ANO1: variants seen among roughly 807,000 people sequenced by gnomAD.
ANO1 encodes the protein anoctamin-1.
In ANO1, 59 loss-of-function variants were observed where a neutral mutation model predicts 124.0. The observed-to-expected ratio is 0.48, with a 90% CI of 0.39 to 0.59. The LOEUF is 0.59. ANO1 is among the 20% of genes least tolerant of loss of function. The probability of loss-of-function intolerance (pLI) is 0.00; values close to 1 mark genes in which losing one functional copy is unlikely to be tolerated. For synonymous variants in ANO1, 529 were observed against 532.0 expected, an observed-to-expected ratio of 0.99 and a Z score of 0.08; for missense variants, 1,059 against 1,328.0, an observed-to-expected ratio of 0.80 and a Z score of 3.15.
At chr11:70,171,555 G>T (rs2048473881) in intron 22 of ANO1, among the ~76,000 whole-genome samples, 1 of 152,262 alleles carries the variant, frequency 6.6e-6, no homozygotes, top group African/African-American at 2.4e-5. Flanking sequence ...TGGCTTGCCT[G>T]TAGGGATCAA....
chr11:70,152,007 C>G (rs1203143625), intron 12 of ANO1, among the ~76,000 whole-genome samples: 1 of 152,172 alleles, frequency 6.6e-6, no homozygotes, highest in Non-Finnish European at 1.5e-5. Flanking sequence ...TCCCGGCTCA[C>G]CTGTATCCAT....
chr11:70,163,954 A>T (rs2048154763), intron 19 of ANO1, among the ~76,000 whole-genome samples: 2 of 150,590 alleles, frequency 1.3e-5, no homozygotes, highest in Non-Finnish European at 2.9e-5. Flanking sequence ...AAAAAAAAGA[A>T]GATGAATTAA....
chr11:70,021,688 A>G (rs1856812934), intron 1 of ANO1, among the ~76,000 whole-genome samples: 1 of 151,990 alleles, frequency 6.6e-6, no homozygotes, highest in Non-Finnish European at 1.5e-5. Flanking sequence ...CAGCGGTGAC[A>G]TTTGTTAAAC....
chr11:69,992,216 AGATGGATG>A (rs59821789), intron 1 of ANO1, among the ~76,000 whole-genome samples: 4,164 of 147,142 alleles, frequency 0.028, 141 homozygotes, highest in African/African-American at 0.082. Flanking sequence ...ACGAATGGAT[AGATGGATG>A]GATGGATGGA....
At chr11:70,093,017 A>T (rs1203130738) in intron 2 of ANO1, among the ~76,000 whole-genome samples, 2 of 134,850 alleles carry the variant, frequency 1.5e-5, no homozygotes, top group East Asian at 2.3e-4. Context: ...CTCCCTCTTG[A>T]TCTCCCTTTC....
chr11:70,187,474 C>G (rs887438379), intron 25 of ANO1, among the ~76,000 whole-genome samples: 2 of 152,182 alleles, frequency 1.3e-5, no homozygotes, highest in Admixed American at 6.5e-5. Flanking sequence ...CCTGAGTCTC[C>G]TGATCAAAGA....
intron 11 of ANO1, among the ~76,000 whole-genome samples, chr11:70,139,956 T>A (rs1352063273): frequency 6.6e-6 from 1 of 152,196 alleles, no homozygotes; most frequent in East Asian, 1.9e-4. Context: ...TTCTCTCACC[T>A]AGAGTAGTTT....
intron 14 of ANO1, among the ~76,000 whole-genome samples, chr11:70,154,153 T>C (rs10160719): frequency 0.69 from 104,665 of 152,042 alleles, 36,175 homozygotes; most frequent in East Asian, 0.77. Flanking sequence ...AGGCTGGAGA[T>C]GCCCGCACTG....
At chr11:70,187,675 G>T in intron 25 of ANO1, 63 bp from the exon 26 acceptor site, 1 of 1,534,180 alleles carries the variant, frequency 6.5e-7, no homozygotes. Flanking sequence ...GCCAGGCAGA[G>T]AGGTCAGGAG....
intron 1 of ANO1, among the ~76,000 whole-genome samples, chr11:70,014,142 G>A (rs185931721): frequency 1.8e-3 from 276 of 151,896 alleles, no homozygotes; most frequent in Middle Eastern, 3.4e-3. Flanking sequence ...GTTCCATTGC[G>A]GGTGAGAGTT....
intron 16 of ANO1, among the ~76,000 whole-genome samples, chr11:70,160,856 G>A (rs565280838): frequency 1.3e-5 from 2 of 152,336 alleles, no homozygotes; most frequent in Admixed American, 6.5e-5. Context: ...TGAACTGCAG[G>A]CTTGGGCAGA....
chr11:70,153,372 G>A (rs146648477), intron 14 of ANO1, among the ~76,000 whole-genome samples: 115 of 152,334 alleles, frequency 7.5e-4, no homozygotes, highest in Middle Eastern at 3.4e-3. Flanking sequence ...GGCCAGATTT[G>A]GCCAAAGGGC....
intron 1 of ANO1, among the ~76,000 whole-genome samples, chr11:70,039,117 G>A (rs921340081): frequency 1.3e-5 from 2 of 152,148 alleles, no homozygotes; most frequent in Admixed American, 1.3e-4. Context: ...TGCTGGGAAA[G>A]GTTTTCATCC....
Position 70,116,627 on chromosome 11 carries a change from G to T in ANO1, c.897+128G>T. ...GCCTCCCCAGGGCGCTCGCTGCAGGGGGCTGAGAAGCGGGTGTCCCCTCTC... is the reference window on the plus strand; with the variant it reads ...GCCTCCCCAGGGCGCTCGCTGCAGGTGGCTGAGAAGCGGGTGTCCCCTCTC... On this transcript the variant is annotated intron_variant, in intron 8 of 25. Coordinates refer to ENST00000355303, the MANE Select transcript of ANO1 (RefSeq NM_018043.7). The T allele has an allele frequency of 6.1e-6, 5 of 816,102 alleles. No individual in the cohort carries two copies. In the South Asian group the frequency reaches 6.4e-5, roughly 10 times the overall value. The allele number at this position is 816,102 out of a possible 1,614,324, so 50.6% of individuals were successfully genotyped here.
At chr11:70,030,583 T>C (rs1250818336) in intron 1 of ANO1, among the ~76,000 whole-genome samples, 2 of 152,204 alleles carry the variant, frequency 1.3e-5, no homozygotes, top group Non-Finnish European at 2.9e-5. Context: ...GACGCTGGGC[T>C]GGTGGCTGCA....
At chr11:70,001,433 C>G (rs1323451864) in intron 1 of ANO1, among the ~76,000 whole-genome samples, 1 of 152,194 alleles carries the variant, frequency 6.6e-6, no homozygotes, top group East Asian at 1.9e-4. Flanking sequence ...CCTGTCCACA[C>G]TCAGACACGA....
At chr11:70,122,003 T>C (rs2046303704) in intron 8 of ANO1, among the ~76,000 whole-genome samples, 4 of 144,898 alleles carry the variant, frequency 2.8e-5, no homozygotes. Flanking sequence ...TCCATCTGCC[T>C]CTGTCTCTGT....
intron 1 of ANO1, among the ~76,000 whole-genome samples, chr11:69,992,482 A>T (rs1554997692): frequency 6.6e-6 from 1 of 152,180 alleles, no homozygotes; most frequent in East Asian, 1.9e-4. Flanking sequence ...TCCCACCTCC[A>T]AGAGTGTTCT....
chr11:70,040,791 C>T (rs1403119542), intron 1 of ANO1, among the ~76,000 whole-genome samples: 2 of 152,138 alleles, frequency 1.3e-5, no homozygotes, highest in Non-Finnish European at 2.9e-5. Context: ...ATGGAGCTGC[C>T]TTGGAAAGGA....
Sources: gnomAD v4.1 joint callset for allele counts (sites outside exome capture counted in the v4.1 genomes callset) on GRCh38, gnomAD v4.1.1 for gene constraint, MANE v1.5 for transcripts, NCBI Gene and HGNC (gene_info 2026-07-23, HGNC 2026-07-21) for gene names.